CDH13: variants seen among roughly 807,000 people sequenced by gnomAD.
CDH13 encodes cadherin 13, also known as cadherin-13.
Under a neutral mutation model 63.8 loss-of-function variants are expected in CDH13, and 24 were observed. The observed-to-expected ratio is 0.38, with a 90% CI of 0.27 to 0.53. The LOEUF (loss-of-function observed/expected upper bound fraction) is 0.53, where lower values mean the gene tolerates loss of function less well. Among genes scored for constraint, CDH13 ranks in the 20% least tolerant of loss-of-function variants. CDH13 has a pLI of 0.85. For missense variants in CDH13, 1,049 were observed against 903.1 expected (o/e 1.16, Z -2.07); for synonymous variants, 503 against 355.3 (o/e 1.42, Z -4.67).
At chr16:82,785,195 TAGGA>T (rs2035947206) in intron 1 of CDH13, among the ~76,000 whole-genome samples, 1 of 151,858 alleles carries the variant, frequency 6.6e-6, no homozygotes, top group South Asian at 2.1e-4. Flanking sequence ...ATTGTTGAAA[TAGGA>T]AGGGGAAGAC....
intron 2 of CDH13, among the ~76,000 whole-genome samples, chr16:82,918,199 G>A (rs2042050925): frequency 6.6e-6 from 1 of 152,068 alleles, no homozygotes; most frequent in Admixed American, 6.5e-5. Context: ...CAAAAGGGTT[G>A]GACAAATATA....
At chr16:82,941,001 T>G (rs1904280320) in intron 2 of CDH13, among the ~76,000 whole-genome samples, 1 of 152,180 alleles carries the variant, frequency 6.6e-6, no homozygotes, top group Non-Finnish European at 1.5e-5. Flanking sequence ...GGCTGAAATG[T>G]TGCTTTGTAG....
intron 2 of CDH13, among the ~76,000 whole-genome samples, chr16:82,997,670 A>T (rs1597379932): frequency 6.6e-6 from 1 of 152,204 alleles, no homozygotes; most frequent in South Asian, 2.1e-4. Flanking sequence ...TACTGGGCAC[A>T]AGAGATTTTT....
At chr16:83,254,089 G>A (rs1905919723) in intron 5 of CDH13, among the ~76,000 whole-genome samples, 1 of 152,146 alleles carries the variant, frequency 6.6e-6, no homozygotes, top group African/African-American at 2.4e-5. Context: ...ACCCAAAGAT[G>A]GAAGCAAGAC....
intron 5 of CDH13, among the ~76,000 whole-genome samples, chr16:83,305,441 A>G (rs1158916625): frequency 6.6e-6 from 1 of 152,214 alleles, no homozygotes; most frequent in Non-Finnish European, 1.5e-5. Context: ...CCGTGTAGCC[A>G]GTATGTCCTG....
At chr16:83,670,290 G>A (rs1263700538) in intron 8 of CDH13, among the ~76,000 whole-genome samples, 1 of 152,194 alleles carries the variant, frequency 6.6e-6, no homozygotes, top group Non-Finnish European at 1.5e-5. Flanking sequence ...GGGAGGCAAG[G>A]CTGCGAGAAC....
chr16:83,499,219 A>G (rs1368282517), intron 7 of CDH13, among the ~76,000 whole-genome samples: 4 of 152,262 alleles, frequency 2.6e-5, no homozygotes, highest in African/African-American at 7.2e-5. Context: ...AATGTTTAAT[A>G]ATATAGAAAG....
At chr16:83,409,355 C>T (rs918612557) in intron 6 of CDH13, among the ~76,000 whole-genome samples, 1 of 152,212 alleles carries the variant, frequency 6.6e-6, no homozygotes, top group Admixed American at 6.5e-5. Flanking sequence ...GCAGAGCTGC[C>T]TGCTGTGCCT....
chr16:83,767,237 G>A (rs1248723797), intron 11 of CDH13, among the ~76,000 whole-genome samples: 2 of 152,074 alleles, frequency 1.3e-5, no homozygotes, highest in Non-Finnish European at 2.9e-5. Flanking sequence ...AGGTTTGGCT[G>A]TGTCCCCACC....
rs1036264009 is a variant in CDH13, at chr16:83,305,828, G to C, written c.637-39034G>C. Reference sequence around the variant, plus strand: ...CTAGTAGGAGGCCAAACGCATAATAGATACTCAATAAATTGTAGCTGTCGC... The same window carrying C: ...CTAGTAGGAGGCCAAACGCATAATACATACTCAATAAATTGTAGCTGTCGC... On this transcript the variant is annotated intron_variant, in intron 5 of 13. Transcript: ENST00000567109. Among the ~76,000 whole-genome samples the C allele has an allele frequency of 3.9e-5, 6 of 152,262 alleles. 1 individual carries two copies. The highest frequency in any genetic ancestry group is 7.2e-5 in the African/African-American group (3 of 41,560).
At chr16:83,362,284 G>T (rs762763716) in intron 6 of CDH13, among the ~76,000 whole-genome samples, 1 of 152,146 alleles carries the variant, frequency 6.6e-6, no homozygotes, top group Non-Finnish European at 1.5e-5. Flanking sequence ...TTGTCAGCCT[G>T]AGTACATTTC....
chr16:83,584,303 C>G (rs758696902), intron 7 of CDH13, among the ~76,000 whole-genome samples: 1 of 152,162 alleles, frequency 6.6e-6, no homozygotes, highest in African/African-American at 2.4e-5. Context: ...CACTCCAGCC[C>G]GGGCAATAGA....
intron 3 of CDH13, among the ~76,000 whole-genome samples, chr16:83,088,152 T>C (rs2151577144): frequency 6.6e-6 from 1 of 152,364 alleles, no homozygotes; most frequent in Admixed American, 6.5e-5. Context: ...ACTCACCTTT[T>C]GGCTCACGAC....
intron 9 of CDH13, among the ~76,000 whole-genome samples, chr16:83,671,875 C>A (rs1377210474): frequency 1.3e-5 from 2 of 152,232 alleles, no homozygotes; most frequent in African/African-American, 4.8e-5. Context: ...GGTGGTAGCA[C>A]AGAAGGCTTG....
chr16:82,643,509 A>G (rs1358098520), intron 1 of CDH13, among the ~76,000 whole-genome samples: 1 of 152,214 alleles, frequency 6.6e-6, no homozygotes, highest in Non-Finnish European at 1.5e-5. Context: ...CCTTCTGGCT[A>G]CACTGGTTCT....
At chr16:83,562,319 C>G (rs1024345067) in intron 7 of CDH13, among the ~76,000 whole-genome samples, 1 of 152,042 alleles carries the variant, frequency 6.6e-6, no homozygotes, top group Non-Finnish European at 1.5e-5. Context: ...CAGAGTTCAG[C>G]TCTACTACCA....
At position 83,323,031 on chromosome 16, in the gene CDH13, G is replaced by A. The variant is rs1002647826; in HGVS notation, c.637-21831G>A. On this transcript the variant is annotated intron_variant, in intron 5 of 13. Coordinates refer to ENST00000567109, the MANE Select transcript of CDH13 (RefSeq NM_001257.5). ...TGATTGGCCCCCTACCCTGTAGGGG[G>A]CCACAGGTTACTCTTGCTATCGTGC... Among the ~76,000 whole-genome samples the A allele has an allele frequency of 2.0e-5, 3 of 151,920 alleles. No homozygotes were observed. The East Asian group carries it at 5.8e-4, about 29-fold the overall frequency.
At chr16:83,722,821 G>A (rs1382788625) in intron 10 of CDH13, among the ~76,000 whole-genome samples, 1 of 152,210 alleles carries the variant, frequency 6.6e-6, no homozygotes, top group East Asian at 1.9e-4. Flanking sequence ...CTAATGAAAA[G>A]TGTATTGCTA....
intron 10 of CDH13, among the ~76,000 whole-genome samples, chr16:83,715,093 A>T (rs1366594609): frequency 6.6e-6 from 1 of 152,176 alleles, no homozygotes; most frequent in African/African-American, 2.4e-5. Flanking sequence ...TCATTCGTTC[A>T]TGCATGCCTT....
Sources: gnomAD v4.1 joint callset for allele counts (sites outside exome capture counted in the v4.1 genomes callset) on GRCh38, gnomAD v4.1.1 for gene constraint, MANE v1.5 for transcripts, NCBI Gene and HGNC (gene_info 2026-07-23, HGNC 2026-07-21) for gene names.